Variants in ZFYVE28 observed in about 807,000 individuals in gnomAD.
ZFYVE28 encodes the protein zinc finger FYVE-type containing 28.
In ZFYVE28, 40 loss-of-function variants were observed where a neutral mutation model predicts 82.1. That is an observed-to-expected ratio of 0.49 (90% CI 0.38 to 0.63). The LOEUF is 0.63. Ranked by LOEUF, ZFYVE28 falls within the 30% of genes least tolerant of loss-of-function variation. ZFYVE28 has a pLI of 0.00. For missense variants in ZFYVE28, 1,321 were observed against 1,242.1 expected (o/e 1.06, Z -0.96); for synonymous variants, 612 against 546.1 (o/e 1.12, Z -1.68).
chr4:2,303,424 T>G (rs1715925608), intron 8 of ZFYVE28, among the ~76,000 whole-genome samples: 1 of 152,142 alleles, frequency 6.6e-6, no homozygotes, highest in African/African-American at 2.4e-5. Flanking sequence ...CGGCTCCTGG[T>G]GGGGGCTTTT....
chr4:2,387,438 C>T (rs571284763), intron 1 of ZFYVE28, among the ~76,000 whole-genome samples: 1 of 152,362 alleles, frequency 6.6e-6, no homozygotes, highest in South Asian at 2.1e-4. Flanking sequence ...GCGAACGTGA[C>T]GTCCTTGTCC....
intron 4 of ZFYVE28, among the ~76,000 whole-genome samples, chr4:2,338,569 G>A (rs533837582): frequency 5.5e-4 from 84 of 152,108 alleles, no homozygotes; most frequent in Non-Finnish European, 9.6e-4. Flanking sequence ...CTCCAGCCTG[G>A]GCAACAGAGT....
At chr4:2,323,886 T>C (rs1477863835) in intron 6 of ZFYVE28, among the ~76,000 whole-genome samples, 1 of 152,188 alleles carries the variant, frequency 6.6e-6, no homozygotes. Context: ...TCATTTTTTA[T>C]GGCTGCATAG....
At position 2,417,908 on chromosome 4, in the gene ZFYVE28, G is replaced by C. The variant is rs1315384250; in HGVS notation, c.39+377C>G. The stretch of plus-strand genomic sequence containing the variant: ...GGAGGGGAGACGGAGAAGTAGTAGG[G>C]GGTCTGCTCCGGGCCCGCGGGCTGG... On this transcript the variant is annotated intron_variant, in intron 1 of 12. Transcript: ENST00000290974. The surrounding 1 kb of genome is among the most constrained non-coding windows in gnomAD (Gnocchi z 4.8). Among the ~76,000 whole-genome samples the C allele has an allele frequency of 6.6e-6, 1 of 151,922 alleles. No individual in the cohort carries two copies. Among genetic ancestry groups the C allele is most frequent in the African/African-American group, 2.4e-5 (1 of 41,384 alleles).
chr4:2,328,313 T>C (rs867087268), intron 6 of ZFYVE28, among the ~76,000 whole-genome samples: 17 of 152,282 alleles, frequency 1.1e-4, no homozygotes, highest in Admixed American at 1.3e-4. Flanking sequence ...GAAAGACAAA[T>C]ACCATATGTT....
At chr4:2,280,726 C>T (rs1391940051) in intron 8 of ZFYVE28, among the ~76,000 whole-genome samples, 1 of 152,310 alleles carries the variant, frequency 6.6e-6, no homozygotes, top group South Asian at 2.1e-4. Flanking sequence ...AAAGTGCCTG[C>T]TGGCAGCAGA....
In ZFYVE28 at chr4:2,395,287, G is replaced by T. The variant is rs145772140; in HGVS notation, c.39+22998C>A. ...TTTCTTTACTCGACTAATAAGAGAG[G>T]AATTCAGACATGCTACCTAACATTT... On this transcript the variant is annotated intron_variant, in intron 1 of 12. Transcript: ENST00000290974. 3.4e-4 allele frequency among the ~76,000 whole-genome samples: 52 copies of T among 152,174 alleles called. 1 individual carries two copies. The East Asian group carries it at 0.01, about 29-fold the overall frequency.
At chr4:2,312,238 T>C (rs1717563539) in intron 7 of ZFYVE28, among the ~76,000 whole-genome samples, 2 of 152,196 alleles carry the variant, frequency 1.3e-5, no homozygotes, top group African/African-American at 4.8e-5. Context: ...TCTATTATCA[T>C]GTAGTTAAAA....
chr4:2,330,364 C>T lies in ZFYVE28; in HGVS notation c.701+5341G>A, dbSNP rs543912956. On this transcript the variant is annotated intron_variant, in intron 6 of 12. Coordinates refer to ENST00000290974, the MANE Select transcript of ZFYVE28 (RefSeq NM_020972.3). Reference sequence around the variant, plus strand: ...GTGAGCGGTGCAGTGGTGGGGACATCGCAGAGGGAGGTACAGCAGGGAGTA... The same window carrying T: ...GTGAGCGGTGCAGTGGTGGGGACATTGCAGAGGGAGGTACAGCAGGGAGTA... The T allele has an allele frequency of 1.8e-5, 18 of 999,530 alleles. No individual in the cohort carries two copies. In the Admixed American group the frequency reaches 5.9e-4, roughly 33 times the overall value. 61.9% of individuals were successfully genotyped at this position (999,530 alleles called of 1,614,324 possible). A position where few individuals can be genotyped will look rare whatever the true frequency, so the allele number is the denominator to read the frequency against.
At chr4:2,326,297 A>G (rs1719845118) in intron 6 of ZFYVE28, among the ~76,000 whole-genome samples, 1 of 152,316 alleles carries the variant, frequency 6.6e-6, no homozygotes, top group East Asian at 1.9e-4. Flanking sequence ...TCCCAACACC[A>G]TTTATTGAAG....
chr4:2,304,856 G>A lies in ZFYVE28; in HGVS notation c.1484C>T (p.Ala495Val), dbSNP rs140730787. ...CATCTCAGCCGTCTCTGCGTCATCCGCACCCACCTCCCAGCCGTCCAGGTG... is the reference window on the plus strand; with the variant it reads ...CATCTCAGCCGTCTCTGCGTCATCCACACCCACCTCCCAGCCGTCCAGGTG... Reference protein sequence around the residue: ...RLHLDGWEVGADDAETAEMIA... With the variant: ...RLHLDGWEVGVDDAETAEMIA... The change falls in exon 8 of 13, where the codon GCG becomes GTG. Residue 495 changes from alanine (A) to valine (V), a missense_variant. By Grantham distance (64) the Ala-to-Val change is moderately conservative (BLOSUM62 0). Around this residue, in one of 2 missense-constraint regions of ZFYVE28, gnomAD observed 978 missense variants for 833.7 expected, o/e 1.17. Coordinates refer to ENST00000290974, the MANE Select transcript of ZFYVE28 (RefSeq NM_020972.3). 602 of 1,612,600 alleles carry A rather than the reference G, an allele frequency of 3.7e-4. 1 individual carries two copies. In the African/African-American group the frequency reaches 6.0e-3, roughly 16 times the overall value.
chr4:2,410,644 C>T (rs1033318090), intron 1 of ZFYVE28, among the ~76,000 whole-genome samples: 46 of 152,098 alleles, frequency 3.0e-4, no homozygotes, highest in Admixed American at 5.2e-4. Flanking sequence ...TACAGGCGCC[C>T]GCCACCACAC....
intron 1 of ZFYVE28, among the ~76,000 whole-genome samples, chr4:2,357,678 G>T (rs981469748): frequency 6.6e-6 from 1 of 152,186 alleles, no homozygotes; most frequent in South Asian, 2.1e-4. Context: ...CTCCACGTGT[G>T]TCCCGCAGCC....
chr4:2,415,503 C>T (rs867612623), intron 1 of ZFYVE28, among the ~76,000 whole-genome samples: 3 of 143,654 alleles, frequency 2.1e-5, no homozygotes, highest in South Asian at 2.2e-4. Context: ...AAAAGAAGCT[C>T]GCTGTGCAGT....
In ZFYVE28 at chr4:2,320,167, C is replaced by T. The variant is rs1351797896; in HGVS notation, c.803+3G>A. 5 of 1,613,948 alleles carry T rather than the reference C, an allele frequency of 3.1e-6. No individual in the cohort carries two copies. Among genetic ancestry groups the T allele is most frequent in the African/African-American group, 1.3e-5 (1 of 75,012 alleles). On this transcript the variant is annotated splice_donor_region_variant and intron_variant, in intron 7 of 12. Coordinates refer to ENST00000290974, the MANE Select transcript of ZFYVE28 (RefSeq NM_020972.3). This position sits in a 1 kb window ranked among gnomAD's most constrained non-coding sequence, Gnocchi z 5.1. The stretch of plus-strand genomic sequence containing the variant: ...CCCCCACCTCCTCTAGCTCCATCCC[C>T]ACCTTATTTTCCGCAGCAACGTGTG...
At chr4:2,303,789 G>A (rs28612557) in intron 8 of ZFYVE28, among the ~76,000 whole-genome samples, 26,365 of 152,244 alleles carry the variant, frequency 0.17, 2,885 homozygotes, top group African/African-American at 0.29. Flanking sequence ...CCCAGTCTCC[G>A]CGCCCACGGC....
chr4:2,386,708 T>G (rs922111113), intron 1 of ZFYVE28, among the ~76,000 whole-genome samples: 1 of 152,248 alleles, frequency 6.6e-6, no homozygotes, highest in African/African-American at 2.4e-5. Context: ...CCCTGTGACC[T>G]GGGACATCTC....
intron 6 of ZFYVE28, chr4:2,329,159 C>G: frequency 1.4e-6 from 1 of 693,452 alleles, no homozygotes; most frequent in Non-Finnish European, 2.6e-6. Context: ...AACAAAAAGG[C>G]CAATGGAGTT....
At chr4:2,403,087 T>G (rs973930312) in intron 1 of ZFYVE28, among the ~76,000 whole-genome samples, 4 of 152,184 alleles carry the variant, frequency 2.6e-5, no homozygotes, top group African/African-American at 9.7e-5. Flanking sequence ...ACAATACAGG[T>G]CCTTTCCCCG....
Sources: gnomAD v4.1 joint callset for allele counts (sites outside exome capture counted in the v4.1 genomes callset) on GRCh38, gnomAD v4.1.1 for gene constraint, gnomAD v4.1.1 regional missense constraint, Gnocchi (gnomAD v3.1) non-coding constraint, MANE v1.5 for transcripts, NCBI Gene and HGNC (gene_info 2026-07-23, HGNC 2026-07-21) for gene names.